Variants in SGCZ observed in about 807,000 individuals in gnomAD.
The protein encoded by SGCZ is zeta-sarcoglycan.
SGCZ carries 40 observed loss-of-function variants against 41.3 expected under a neutral mutation model. That is an observed-to-expected ratio of 0.97 (90% CI 0.75 to 1.26). The LOEUF is 1.26. Among genes scored for constraint, SGCZ ranks in the 50% most tolerant of loss-of-function variants. SGCZ has a pLI of 0.00. For synonymous variants in SGCZ, 206 were observed against 137.5 expected, an observed-to-expected ratio of 1.50 and a Z score of -3.49; for missense variants, 552 against 369.8, an observed-to-expected ratio of 1.49 and a Z score of -4.04.
chr8:14,715,146 G>C (rs1809647379), intron 1 of SGCZ, among the ~76,000 whole-genome samples: 2 of 152,150 alleles, frequency 1.3e-5, no homozygotes, highest in Admixed American at 6.5e-5. Context: ...AAAATAAGTA[G>C]TTTGACCTTA....
intron 1 of SGCZ, among the ~76,000 whole-genome samples, chr8:14,961,853 G>C (rs1043689377): frequency 5.9e-5 from 9 of 152,088 alleles, no homozygotes; most frequent in African/African-American, 2.2e-4. Flanking sequence ...TGCCTTCAAG[G>C]TATATGGCAA....
chr8:14,961,246 G>A (rs182473364), intron 1 of SGCZ, among the ~76,000 whole-genome samples: 44 of 152,070 alleles, frequency 2.9e-4, no homozygotes, highest in Non-Finnish European at 5.6e-4. Flanking sequence ...AAATCTCTCC[G>A]AATCCTAAAT....
chr8:14,603,711 T>A (rs903701489), intron 1 of SGCZ, among the ~76,000 whole-genome samples: 1 of 152,200 alleles, frequency 6.6e-6, no homozygotes, highest in African/African-American at 2.4e-5. Flanking sequence ...CAGTTATCTG[T>A]TGTTGTTAAT....
At position 14,590,438 on chromosome 8, in the gene SGCZ, G is replaced by A. The variant is rs74890419; in HGVS notation, c.40-35512C>T. Among the ~76,000 whole-genome samples the A allele has an allele frequency of 3.2e-3, 492 of 151,712 alleles. 12 individuals carry two copies. The East Asian group carries it at 0.035, about 11-fold the overall frequency. ...TTGTCTGTGTTTCATTATATGTACA[G>A]CACAGTAGTATGCACTATGAAGAAT... On this transcript the variant is annotated intron_variant, in intron 1 of 7. Transcript: ENST00000382080.
At chr8:14,772,172 T>A (rs1448395979) in intron 1 of SGCZ, among the ~76,000 whole-genome samples, 1 of 152,186 alleles carries the variant, frequency 6.6e-6, no homozygotes, top group Non-Finnish European at 1.5e-5. Context: ...AACTGTAGGC[T>A]AATGTAAGTG....
intron 1 of SGCZ, among the ~76,000 whole-genome samples, chr8:14,558,611 A>G (rs60812540): frequency 0.037 from 5,039 of 137,326 alleles, 130 homozygotes; most frequent in East Asian, 0.14. Context: ...AGAGAGAGAG[A>G]GAATCTTCCA....
At chr8:14,733,424 A>G (rs958742286) in intron 1 of SGCZ, among the ~76,000 whole-genome samples, 1 of 152,170 alleles carries the variant, frequency 6.6e-6, no homozygotes, top group Admixed American at 6.5e-5. Context: ...TTGGTTCTAG[A>G]AATCGGTGCA....
intron 2 of SGCZ, among the ~76,000 whole-genome samples, chr8:14,537,063 C>T (rs545037463): frequency 6.6e-6 from 1 of 152,042 alleles, no homozygotes; most frequent in Admixed American, 6.6e-5. Context: ...CTGCTGCTGA[C>T]ACAGCCCCAT....
chr8:14,980,814 C>G (rs984576357), intron 1 of SGCZ, among the ~76,000 whole-genome samples: 1 of 152,154 alleles, frequency 6.6e-6, no homozygotes, highest in African/African-American at 2.4e-5. Flanking sequence ...GGTGGGGACA[C>G]AGAGCCAAAC....
intron 2 of SGCZ, among the ~76,000 whole-genome samples, chr8:14,455,549 A>G (rs1001514102): frequency 3.9e-5 from 6 of 152,110 alleles, no homozygotes; most frequent in African/African-American, 1.2e-4. Flanking sequence ...CAGATTAGGT[A>G]GATAGATAGA....
chr8:15,072,754 G>C (rs1805401123), intron 1 of SGCZ, among the ~76,000 whole-genome samples: 1 of 152,162 alleles, frequency 6.6e-6, no homozygotes, highest in Non-Finnish European at 1.5e-5. Flanking sequence ...TCATACACTT[G>C]ATAATTTTGC....
intron 1 of SGCZ, among the ~76,000 whole-genome samples, chr8:15,190,756 A>T (rs1251773895): frequency 6.6e-6 from 1 of 152,040 alleles, no homozygotes; most frequent in African/African-American, 2.4e-5. Context: ...GGAGCCAAAA[A>T]CTATCAACAA....
chr8:15,185,362 T>C (rs576004243), intron 1 of SGCZ, among the ~76,000 whole-genome samples: 1 of 152,290 alleles, frequency 6.6e-6, no homozygotes, highest in East Asian at 1.9e-4. Context: ...CATAATTAGT[T>C]CCACCAAAAT....
intron 1 of SGCZ, among the ~76,000 whole-genome samples, chr8:15,178,102 T>C (rs1268583562): frequency 1.3e-5 from 2 of 152,096 alleles, no homozygotes; most frequent in East Asian, 1.9e-4. Context: ...GGACACTGCC[T>C]CCTGAGCCTG....
chr8:14,478,401 A>G (rs1212542330), intron 2 of SGCZ, among the ~76,000 whole-genome samples: 1 of 152,250 alleles, frequency 6.6e-6, no homozygotes, highest in African/African-American at 2.4e-5. Context: ...AATCTCATAT[A>G]CGTGTTTCTA....
chr8:15,087,178 C>G (rs1360301424), intron 1 of SGCZ, among the ~76,000 whole-genome samples: 1 of 151,996 alleles, frequency 6.6e-6, no homozygotes, highest in Non-Finnish European at 1.5e-5. Flanking sequence ...TAAAGGTACC[C>G]AACACATAAC....
intron 1 of SGCZ, among the ~76,000 whole-genome samples, chr8:14,851,091 T>C (rs1475752518): frequency 2.6e-5 from 4 of 152,120 alleles, no homozygotes; most frequent in African/African-American, 7.2e-5. Flanking sequence ...TATTCAAGGC[T>C]GGGCGCAGTG....
chr8:14,340,397 A>G (rs545615745), intron 2 of SGCZ, among the ~76,000 whole-genome samples: 1 of 152,264 alleles, frequency 6.6e-6, no homozygotes, highest in Admixed American at 6.5e-5. Flanking sequence ...GTCCTGTTCC[A>G]TCTTCTTTGC....
intron 4 of SGCZ, among the ~76,000 whole-genome samples, chr8:14,232,018 AC>A (rs1482218543): frequency 6.6e-6 from 1 of 152,058 alleles, no homozygotes; most frequent in African/African-American, 2.4e-5. Context: ...TTATTTCACA[AC>A]ATGGATGCTA....
Sources: gnomAD v4.1 joint callset for allele counts (sites outside exome capture counted in the v4.1 genomes callset) on GRCh38, gnomAD v4.1.1 for gene constraint, MANE v1.5 for transcripts, NCBI Gene and HGNC (gene_info 2026-07-23, HGNC 2026-07-21) for gene names.